Variants in PPP2R2B observed in about 807,000 individuals in gnomAD.
PPP2R2B encodes serine/threonine-protein phosphatase 2A 55 kDa regulatory subunit B beta isoform.
A neutral mutation model predicts 46.0 loss-of-function variants in PPP2R2B; 5 were observed. That is an observed-to-expected ratio of 0.11 (90% CI 0.06 to 0.23). The LOEUF is 0.23. PPP2R2B is among the 10% of genes least tolerant of loss of function. The pLI is 1.00. For synonymous variants in PPP2R2B, 215 were observed against 206.7 expected (o/e 1.04, Z -0.34); for missense variants, 367 against 575.0 (o/e 0.64, Z 3.70).
At chr5:146,709,261 TAACCATA>T (rs1234780901) in intron 2 of PPP2R2B, among the ~76,000 whole-genome samples, 1 of 152,242 alleles carries the variant, frequency 6.6e-6, no homozygotes, top group Non-Finnish European at 1.5e-5. Context: ...GTTTCCTACT[TAACCATA>T]AGTGCAGTAT....
intron 1 of PPP2R2B, among the ~76,000 whole-genome samples, chr5:146,915,459 C>G (rs1763350193): frequency 6.8e-6 from 1 of 146,926 alleles, no homozygotes; most frequent in Non-Finnish European, 1.5e-5. Context: ...CACACACACA[C>G]ACACACACAC....
Position 146,588,295 on chromosome 5 carries a change from G to C in PPP2R2B, c.*1652C>G, listed in dbSNP as rs534176409. 80 of 152,302 alleles carry C rather than the reference G, an allele frequency of 5.3e-4. No homozygotes were observed. The highest frequency in any genetic ancestry group is 1.8e-3 in the African/African-American group (76 of 41,566). The allele number at this position is 152,302 out of a possible 1,614,324, so 9.4% of individuals were successfully genotyped here. The stretch of plus-strand genomic sequence containing the variant: ...TAACAAGACTGTTTTTACCTAAGGT[G>C]ACAGTTATTTCCTTGCCAAAAAGCT... On this transcript the variant is annotated 3_prime_UTR_variant, in exon 10 of 10. Transcript: ENST00000394411.
At chr5:147,012,827 T>A (rs2151879162) in intron 1 of PPP2R2B, among the ~76,000 whole-genome samples, 1 of 152,132 alleles carries the variant, frequency 6.6e-6, no homozygotes, top group Non-Finnish European at 1.5e-5. Context: ...CTGCCTTCAT[T>A]TCGTTATGTA....
At position 147,055,504 on chromosome 5, in the gene PPP2R2B, A is replaced by T. The variant is rs146900024; in HGVS notation, c.79+161T>A. On this transcript the variant is annotated intron_variant, in intron 1 of 8. Coordinates refer to the PPP2R2B transcript ENST00000336640. ...ACTTCCCTTTCCTTGTACAAGACAG[A>T]CTGATTTCAGAAGCAGATCTAAGTC... 2.9e-3 allele frequency among the ~76,000 whole-genome samples: 447 copies of T among 152,282 alleles called. 2 individuals are homozygous for T. Among genetic ancestry groups the T allele is most frequent in the African/African-American group, 0.01 (431 of 41,556 alleles).
intron 1 of PPP2R2B, among the ~76,000 whole-genome samples, chr5:146,906,927 A>G (rs1763018774): frequency 6.6e-6 from 1 of 152,182 alleles, no homozygotes; most frequent in Non-Finnish European, 1.5e-5. Context: ...TAAAGAGACA[A>G]TCTACTTCTA....
intron 1 of PPP2R2B, among the ~76,000 whole-genome samples, chr5:147,014,899 T>A (rs552998445): frequency 1.0e-3 from 151 of 151,374 alleles, no homozygotes; most frequent in African/African-American, 3.1e-3. Flanking sequence ...AAATAAAAAT[T>A]AAAAAATAAA....
At chr5:147,005,826 A>G (rs2151873197) in intron 1 of PPP2R2B, among the ~76,000 whole-genome samples, 1 of 152,258 alleles carries the variant, frequency 6.6e-6, no homozygotes, top group South Asian at 2.1e-4. Context: ...ACAGAGAGAA[A>G]GAGAAATAGT....
chr5:146,819,347 A>C (rs578083526), intron 2 of PPP2R2B, among the ~76,000 whole-genome samples: 1 of 152,312 alleles, frequency 6.6e-6, no homozygotes, highest in South Asian at 2.1e-4. Context: ...ACAAAACCTA[A>C]GGATGAGCAC....
intron 1 of PPP2R2B, among the ~76,000 whole-genome samples, chr5:146,950,522 C>G (rs951802190): frequency 6.6e-6 from 1 of 151,996 alleles, no homozygotes; most frequent in Non-Finnish European, 1.5e-5. Flanking sequence ...TGGGGCCCAT[C>G]CCCTGAAGTT....
chr5:146,626,855 C>G (rs1774100690), intron 7 of PPP2R2B, among the ~76,000 whole-genome samples: 1 of 152,210 alleles, frequency 6.6e-6, no homozygotes, highest in African/African-American at 2.4e-5. Context: ...GAATAACACT[C>G]ACTTCCAAAA....
chr5:146,654,540 C>G (rs1776194607), intron 5 of PPP2R2B, among the ~76,000 whole-genome samples: 1 of 152,158 alleles, frequency 6.6e-6, no homozygotes, highest in African/African-American at 2.4e-5. Flanking sequence ...GAGCCTCTTC[C>G]TAGGACATCA....
At chr5:146,979,453 C>T (rs1254224630) in intron 1 of PPP2R2B, among the ~76,000 whole-genome samples, 1 of 151,942 alleles carries the variant, frequency 6.6e-6, no homozygotes, top group Non-Finnish European at 1.5e-5. Flanking sequence ...CTGCTGTATC[C>T]TCAGTGCCTA....
chr5:146,834,456 T>G (rs1183911293), intron 2 of PPP2R2B, among the ~76,000 whole-genome samples: 1 of 152,230 alleles, frequency 6.6e-6, no homozygotes, highest in African/African-American at 2.4e-5. Flanking sequence ...ACTTTTGTTT[T>G]GGTTTAGCTA....
At chr5:146,916,625 C>T (rs1763394644) in intron 1 of PPP2R2B, among the ~76,000 whole-genome samples, 1 of 152,094 alleles carries the variant, frequency 6.6e-6, no homozygotes, top group African/African-American at 2.4e-5. Flanking sequence ...ATTGACTTCC[C>T]TCATCCATCT....
chr5:146,700,068 A>G (rs1183077496), intron 3 of PPP2R2B, among the ~76,000 whole-genome samples: 2 of 152,240 alleles, frequency 1.3e-5, no homozygotes, highest in African/African-American at 2.4e-5. Flanking sequence ...AATAATGTGC[A>G]ATTACTAAAT....
At chr5:146,856,353 G>A (rs962797302) in intron 2 of PPP2R2B, 32 of 605,850 alleles carry the variant, frequency 5.3e-5, no homozygotes, top group Middle Eastern at 8.8e-4. Flanking sequence ...TGTGTCCTAC[G>A]GAACAAATTT....
chr5:146,762,342 C>T (rs767913437), intron 2 of PPP2R2B, among the ~76,000 whole-genome samples: 2 of 152,142 alleles, frequency 1.3e-5, no homozygotes, highest in Non-Finnish European at 2.9e-5. Flanking sequence ...GCATCAGTTT[C>T]CCCATCTATT....
intron 2 of PPP2R2B, among the ~76,000 whole-genome samples, chr5:146,749,551 T>G (rs1753408960): frequency 6.6e-6 from 1 of 151,972 alleles, no homozygotes; most frequent in African/African-American, 2.4e-5. Context: ...GCATATAGCA[T>G]AAGAACTCTT....
In PPP2R2B at chr5:146,871,497, T is replaced by G. The variant is rs189395091; in HGVS notation, c.70+6505A>C. ...TGATTGCTCAATTCCATAAACATTT[T>G]TTTCTGTTCTTATTATATAACAGAA... is the stretch of plus-strand genomic sequence containing the variant. On this transcript the variant is annotated intron_variant, in intron 2 of 9. Transcript: ENST00000394411. 1.2e-3 allele frequency among the ~76,000 whole-genome samples: 181 copies of G among 152,328 alleles called. 1 individual carries two copies. The highest frequency in any genetic ancestry group is 4.3e-3 in the African/African-American group (177 of 41,566).
Sources: gnomAD v4.1 joint callset for allele counts (sites outside exome capture counted in the v4.1 genomes callset) on GRCh38, gnomAD v4.1.1 for gene constraint, MANE v1.5 for transcripts, NCBI Gene and HGNC (gene_info 2026-07-23, HGNC 2026-07-21) for gene names.